The following RBBP8NL variants were observed in gnomAD, a reference collection of about 807,000 sequenced individuals.
The protein encoded by RBBP8NL is RBBP8 N-terminal like, also known as RBBP8 N-terminal-like protein.
RBBP8NL carries 59 observed loss-of-function variants against 62.2 expected under a neutral mutation model. That is an observed-to-expected ratio of 0.95 (90% CI 0.77 to 1.18). The LOEUF (loss-of-function observed/expected upper bound fraction) is 1.18. Ranked by LOEUF, RBBP8NL falls within the 50% of genes most tolerant of loss-of-function variation. RBBP8NL has a pLI of 0.00. For missense variants in RBBP8NL, 896 were observed against 899.5 expected, an observed-to-expected ratio of 1.00 and a Z score of 0.05; for synonymous variants, 412 against 394.1, an observed-to-expected ratio of 1.05 and a Z score of -0.54.
chr20:62,420,377 C>CACAT (rs1555892549), intron 1 of RBBP8NL, among the ~76,000 whole-genome samples: 198 of 148,776 alleles, frequency 1.3e-3, no homozygotes, highest in Admixed American at 3.3e-3. Flanking sequence ...CACACACACA[C>CACAT]ACACACACAC....
rs73143490 is a variant in RBBP8NL at position 62,419,956 on chromosome 20, G to T, written c.-83-226C>A. Among the ~76,000 whole-genome samples, 16 of 152,336 alleles carry T rather than the reference G, an allele frequency of 1.1e-4. 1 individual carries two copies. The highest frequency in any genetic ancestry group is 3.4e-3 in the Middle Eastern group (1 of 294). On this transcript the variant is annotated intron_variant, in intron 1 of 13. Transcript: ENST00000252998. ...CACGTATGTGGCCGGGGGCCAGAGG[G>T]CAGGGTGCTGGCTGCCGTGCGGGAG...
At chr20:62,414,702 T>A in intron 9 of RBBP8NL, 146 bp from the exon 10 acceptor site, 1 of 926,088 alleles carries the variant, frequency 1.1e-6, no homozygotes. Context: ...ATGGGTCCCA[T>A]GGCAGGTAGT....
intron 1 of RBBP8NL, among the ~76,000 whole-genome samples, chr20:62,422,550 G>C (rs1988723664): frequency 6.8e-6 from 1 of 147,364 alleles, no homozygotes; most frequent in African/African-American, 2.5e-5. Flanking sequence ...ATGGGGCCTG[G>C]GGTGGGGACG....
At chr20:62,424,334 C>G (rs543523505) in intron 1 of RBBP8NL, among the ~76,000 whole-genome samples, 2 of 152,046 alleles carry the variant, frequency 1.3e-5, no homozygotes, top group South Asian at 4.1e-4. Context: ...CTGTCCCCCT[C>G]GACACCACTC....
chr20:62,417,158 T>A, intron 4 of RBBP8NL, 66 bp downstream of exon 4: 14 of 1,233,818 alleles, frequency 1.1e-5, no homozygotes, highest in Non-Finnish European at 1.6e-5. Flanking sequence ...CGAGGAGCCC[T>A]GTCACCTCCT....
intron 13 of RBBP8NL, among the ~76,000 whole-genome samples, chr20:62,412,044 G>A (rs576678145): frequency 2.4e-4 from 37 of 152,340 alleles, no homozygotes; most frequent in African/African-American, 6.3e-4. Context: ...AAGTTGTCCC[G>A]ATACCCTCGG....
chr20:62,420,855 T>A (rs2146443842), intron 1 of RBBP8NL, among the ~76,000 whole-genome samples: 1 of 152,370 alleles, frequency 6.6e-6, no homozygotes, highest in South Asian at 2.1e-4. Flanking sequence ...GTGGGTATCT[T>A]GTGGTCTCAC....
In RBBP8NL at chr20:62,421,004, G is replaced by A. The variant is rs145339387; in HGVS notation, c.-83-1274C>T. ...GGAGAGCTCCCAGGCAGGGCTGGGCGGAGTGAGCCTGGGGGCGCTGTGACT... is the reference window on the plus strand; with the variant it reads ...GGAGAGCTCCCAGGCAGGGCTGGGCAGAGTGAGCCTGGGGGCGCTGTGACT... On this transcript the variant is annotated intron_variant, in intron 1 of 13. Transcript: ENST00000252998. Among the ~76,000 whole-genome samples the A allele has an allele frequency of 2.5e-3, 385 of 152,384 alleles. 1 individual carries two copies. Among genetic ancestry groups the A allele is most frequent in the Non-Finnish European group, 3.8e-3 (261 of 68,046 alleles).
intron 3 of RBBP8NL, among the ~76,000 whole-genome samples, chr20:62,417,525 C>T (rs1328813220): frequency 1.2e-5 from 1 of 81,086 alleles, no homozygotes; most frequent in African/African-American, 5.0e-5. Context: ...GTCATCTGCA[C>T]GCTCCTCTGT....
chr20:62,426,317 G>A (rs2146448577), intron 1 of RBBP8NL, among the ~76,000 whole-genome samples: 1 of 152,368 alleles, frequency 6.6e-6, no homozygotes, highest in East Asian at 1.9e-4. Context: ...CAGCTTTGCT[G>A]AGGAAGCCAA....
Position 62,419,678 on chromosome 20 carries a change from T to TG in RBBP8NL, c.-32dup, listed in dbSNP as rs760752318. On this transcript the variant is annotated 5_prime_UTR_variant, in exon 2 of 14. Coordinates refer to ENST00000252998, the MANE Select transcript of RBBP8NL (RefSeq NM_080833.3). ...CCTGTGGCCCTGGCCCGGGCCCCTCTGCGCTGGGGTTGTGGAGACGCCTGC... is the reference window on the plus strand; with the variant it reads ...CCTGTGGCCCTGGCCCGGGCCCCTCTGGCGCTGGGGTTGTGGAGACGCCTGC... 5 of 1,610,918 alleles carry TG rather than the reference T, an allele frequency of 3.1e-6. No homozygotes were observed. The African/African-American group carries it at 6.7e-5, about 22-fold the overall frequency.
At position 62,416,637 on chromosome 20, in the gene RBBP8NL, C is replaced by A. The variant is rs541333631; in HGVS notation, c.313+123G>T. 1.4e-4 allele frequency: 93 copies of A among 667,578 alleles called. No individual in the cohort carries two copies. In the African/African-American group the frequency reaches 1.4e-3, roughly 10 times the overall value. The allele number at this position is 667,578 out of a possible 1,614,324, so 41.4% of individuals were successfully genotyped here. A position where few individuals can be genotyped will look rare whatever the true frequency, so the allele number is the denominator to read the frequency against. On this transcript the variant is annotated intron_variant, in intron 5 of 13. Transcript: ENST00000252998. ...TGTCTGTAGATTGGGTTGTGAGGTT[C>A]CCCCAGTGGTGTGGGGCCGATCGTC...
Position 62,411,859 on chromosome 20 carries a change from C to T in RBBP8NL, c.1876+765G>A, listed in dbSNP as rs187756119. Among the ~76,000 whole-genome samples, 295 of 152,392 alleles carry T rather than the reference C, an allele frequency of 1.9e-3. 1 individual carries two copies. The highest frequency in any genetic ancestry group is 6.4e-3 in the African/African-American group (267 of 41,598). On this transcript the variant is annotated intron_variant, in intron 13 of 13. Coordinates refer to ENST00000252998, the MANE Select transcript of RBBP8NL (RefSeq NM_080833.3). The stretch of plus-strand genomic sequence containing the variant: ...GGTCTCTACTGCCGCTCCGGGCAGA[C>T]GCAGGCCATGGCCACCTGCCGGCAA...
Position 62,416,821 on chromosome 20 carries a change from C to T in RBBP8NL, c.252G>A (p.Arg84=), listed in dbSNP as rs1311055995. 16 of 1,587,608 alleles carry T rather than the reference C, an allele frequency of 1.0e-5. No homozygotes were observed. The highest frequency in any genetic ancestry group is 1.4e-5 in the Non-Finnish European group (16 of 1,166,722). ...DRCMVTQELA[R]KRQQEFESSH... ...AGCTCTCGAACTCCTGCTGCCGCTT[C>T]CTGGCCAGCTCCTGGGTGACCATGC... is the stretch of plus-strand genomic sequence containing the variant. The change falls in exon 5 of 14, where the codon AGG becomes AGA. Residue 84 remains arginine (R), a synonymous_variant. Transcript: ENST00000252998.
chr20:62,414,412 G>A lies in RBBP8NL; in HGVS notation c.939C>T (p.Ala313=). 6.5e-7 allele frequency: 1 copy of A among 1,534,210 alleles called. No individual in the cohort carries two copies. The highest frequency in any genetic ancestry group is 8.8e-7 in the Non-Finnish European group (1 of 1,133,858). Residue 313 remains alanine, a synonymous_variant, in exon 10 of 14, where the codon GCC becomes GCT. Transcript: ENST00000252998. ...PHSSPLAPAA[A]PSDPRLQDLK... is the part of the protein sequence containing the mutation. Reference sequence around the variant, plus strand: ...GGTCCTGGAGCCGGGGGTCGCTGGGGGCTGCAGCAGGGGCCAGGGGGCTGC... The same window carrying A: ...GGTCCTGGAGCCGGGGGTCGCTGGGAGCTGCAGCAGGGGCCAGGGGGCTGC...
intron 6 of RBBP8NL, 46 bp from the exon 7 acceptor site, chr20:62,415,991 C>G: frequency 6.7e-7 from 1 of 1,493,642 alleles, no homozygotes; most frequent in Non-Finnish European, 8.9e-7. Context: ...AGCAGCATCT[C>G]GGGAGATGAT....
Position 62,420,968 on chromosome 20 carries a change from C to T in RBBP8NL, c.-83-1238G>A, listed in dbSNP as rs1475759933. ...AAACCCTCCCAGACCTTTCCAAATT[C>T]CCAGTGGCCTGGAGAGCTCCCAGGC... is the stretch of plus-strand genomic sequence containing the variant. On this transcript the variant is annotated intron_variant, in intron 1 of 13. Coordinates refer to ENST00000252998, the MANE Select transcript of RBBP8NL (RefSeq NM_080833.3). Among the ~76,000 whole-genome samples, 5 of 152,270 alleles carry T rather than the reference C, an allele frequency of 3.3e-5. No individual in the cohort carries two copies. The South Asian group carries it at 1.0e-3, about 32-fold the overall frequency.
At chr20:62,414,608 C>A in intron 9 of RBBP8NL, 52 bp from the exon 10 acceptor site, 1 of 1,379,552 alleles carries the variant, frequency 7.2e-7, no homozygotes, top group East Asian at 2.7e-5. Context: ...CCGTGACCGT[C>A]CCAGCGAGCC....
In RBBP8NL at chr20:62,413,863, CT is replaced by C; in HGVS notation, c.1487del (p.Lys496ArgfsTer71). The C allele has an allele frequency of 6.3e-7, 1 of 1,596,706 alleles. No homozygotes were observed. Among genetic ancestry groups the C allele is most frequent in the East Asian group, 2.3e-5 (1 of 44,172 alleles). On this transcript the variant is annotated frameshift_variant, in exon 10 of 14. Transcript: ENST00000252998. LOFTEE classifies it high-confidence loss of function. ...CCTCCTGCTCTGGCACTCTGGTCCC[CT>C]TGGTGCCATTGCTGAGTGCCTGGGG... ...RSPQALSNGT[K>X]GTRVPEQEEA...
Sources: allele counts gnomAD v4.1 joint callset (sites outside exome capture counted in the v4.1 genomes callset), GRCh38; gene constraint gnomAD v4.1.1; transcripts MANE v1.5; gene names NCBI Gene and HGNC (gene_info 2026-07-23, HGNC 2026-07-21).